ZFHX3: variants seen among roughly 807,000 people sequenced by gnomAD.
ZFHX3 encodes zinc finger homeobox protein 3.
In ZFHX3, 42 loss-of-function variants were observed where a neutral mutation model predicts 279.1. The observed-to-expected ratio is 0.15, with a 90% CI of 0.12 to 0.19. ZFHX3 has a LOEUF of 0.19. Ranked by LOEUF, ZFHX3 falls within the 10% of genes least tolerant of loss-of-function variation. ZFHX3 has a pLI of 1.00. For synonymous variants in ZFHX3, 2,293 were observed against 1,957.8 expected (o/e 1.17, Z -4.52); for missense variants, 4,981 against 4,754.0 (o/e 1.05, Z -1.40).
chr16:73,874,705 C>T (rs540659019), intron 1 of ZFHX3, among the ~76,000 whole-genome samples: 9 of 152,138 alleles, frequency 5.9e-5, no homozygotes, highest in African/African-American at 1.7e-4. Flanking sequence ...ACACCACCCA[C>T]GTTTAAAAAA....
At chr16:73,804,948 AAGGGAGGGAGAGAGGG>A (rs2142330197) in intron 1 of ZFHX3, among the ~76,000 whole-genome samples, 1 of 114,800 alleles carries the variant, frequency 8.7e-6, no homozygotes, top group Non-Finnish European at 1.8e-5. Flanking sequence ...GAGGGAGAGG[AAGGGAGGGAGAGAGGG>A]AGGGAGGGAG....
At chr16:73,249,151 C>T (rs952355238) in intron 5 of ZFHX3, among the ~76,000 whole-genome samples, 1 of 152,152 alleles carries the variant, frequency 6.6e-6, no homozygotes, top group Non-Finnish European at 1.5e-5. Context: ...GACACATTTT[C>T]AGTGGATGTA....
At chr16:73,442,030 C>T (rs1462892856) in intron 3 of ZFHX3, among the ~76,000 whole-genome samples, 2 of 152,140 alleles carry the variant, frequency 1.3e-5, no homozygotes, top group East Asian at 3.9e-4. Context: ...CTCTCCCCTT[C>T]TCCAGAGAGA....
intron 2 of ZFHX3, among the ~76,000 whole-genome samples, chr16:72,952,430 C>T (rs972263190): frequency 6.6e-6 from 1 of 152,166 alleles, no homozygotes; most frequent in Admixed American, 6.5e-5. Context: ...AATCACCTTC[C>T]CTTTATCACT....
At chr16:72,934,421 C>G (rs1272639695) in intron 3 of ZFHX3, among the ~76,000 whole-genome samples, 4 of 152,108 alleles carry the variant, frequency 2.6e-5, no homozygotes, top group Non-Finnish European at 4.4e-5. Flanking sequence ...AGGCGAGACT[C>G]TCTCAAAAAA....
chr16:73,122,822 G>C (rs1966515829), intron 7 of ZFHX3, among the ~76,000 whole-genome samples: 3 of 152,124 alleles, frequency 2.0e-5, no homozygotes, highest in Admixed American at 1.3e-4. Flanking sequence ...CTGCTGCCAA[G>C]CAAACAGTGG....
At chr16:73,024,517 A>G (rs537187856) in intron 1 of ZFHX3, among the ~76,000 whole-genome samples, 73 of 152,290 alleles carry the variant, frequency 4.8e-4, no homozygotes, top group Non-Finnish European at 9.7e-4. Context: ...GCTGCAAATA[A>G]GCCCACGTGA....
chr16:73,477,669 C>T (rs2018787908), intron 2 of ZFHX3, among the ~76,000 whole-genome samples: 1 of 152,168 alleles, frequency 6.6e-6, no homozygotes, highest in African/African-American at 2.4e-5. Context: ...CACTGGTAGC[C>T]GGTAGGGCAG....
At chr16:73,619,575 G>A (rs1000892999) in intron 2 of ZFHX3, among the ~76,000 whole-genome samples, 1 of 151,684 alleles carries the variant, frequency 6.6e-6, no homozygotes, top group Admixed American at 6.6e-5. Flanking sequence ...AACTCAGAGA[G>A]TCAATGTTCT....
chr16:73,524,774 C>T (rs756342131), intron 2 of ZFHX3, among the ~76,000 whole-genome samples: 3 of 152,216 alleles, frequency 2.0e-5, no homozygotes, highest in South Asian at 2.1e-4. Flanking sequence ...AGCTGGTATT[C>T]TGCTCTTCTG....
At chr16:72,865,961 C>A (rs1303949192) in intron 4 of ZFHX3, among the ~76,000 whole-genome samples, 1 of 152,096 alleles carries the variant, frequency 6.6e-6, no homozygotes, top group Non-Finnish European at 1.5e-5. Flanking sequence ...GAAAGGGAGA[C>A]CCGGGGCTTC....
chr16:73,771,867 C>T (rs1486778042), intron 1 of ZFHX3, among the ~76,000 whole-genome samples: 1 of 151,906 alleles, frequency 6.6e-6, no homozygotes, highest in African/African-American at 2.4e-5. Context: ...CCTTTTCTCT[C>T]ATTGATATGG....
intron 2 of ZFHX3, among the ~76,000 whole-genome samples, chr16:73,483,136 C>T (rs982707695): frequency 6.6e-6 from 1 of 152,106 alleles, no homozygotes; most frequent in African/African-American, 2.4e-5. Context: ...AGCTTAGGGT[C>T]TGGGGGCTGG....
At chr16:73,096,106 C>G (rs1034892628) in intron 7 of ZFHX3, among the ~76,000 whole-genome samples, 26 of 152,184 alleles carry the variant, frequency 1.7e-4, no homozygotes, top group African/African-American at 6.3e-4. Flanking sequence ...AGCCCTCCTC[C>G]CAGCACCTGG....
chr16:73,451,034 G>A (rs1437409143), intron 3 of ZFHX3, among the ~76,000 whole-genome samples: 2 of 152,102 alleles, frequency 1.3e-5, no homozygotes, highest in Admixed American at 6.5e-5. Flanking sequence ...ACACTGGTAG[G>A]CAAACAGTAC....
intron 3 of ZFHX3, among the ~76,000 whole-genome samples, chr16:73,379,965 G>A (rs889108084): frequency 6.6e-6 from 1 of 152,182 alleles, no homozygotes; most frequent in Non-Finnish European, 1.5e-5. Flanking sequence ...TGAAACTCCT[G>A]GAGGAACTCT....
intron 2 of ZFHX3, among the ~76,000 whole-genome samples, chr16:73,661,763 T>C (rs888390245): frequency 6.6e-6 from 1 of 150,512 alleles, no homozygotes; most frequent in African/African-American, 2.4e-5. Context: ...GAGGTATTAG[T>C]AATGGTTTCA....
intron 1 of ZFHX3, among the ~76,000 whole-genome samples, chr16:73,054,903 T>C (rs539601356): frequency 2.0e-4 from 30 of 152,196 alleles, no homozygotes; most frequent in Non-Finnish European, 3.5e-4. Context: ...TCTCTCTCTC[T>C]AAGATAAAGG....
intron 4 of ZFHX3, among the ~76,000 whole-genome samples, chr16:73,306,342 CAG>C (rs969141445): frequency 1.6e-4 from 24 of 152,306 alleles, no homozygotes; most frequent in African/African-American, 5.5e-4. Context: ...TGTTTTGAGA[CAG>C]AGTCTTGCTG....
Sources: gnomAD v4.1 joint callset for allele counts (sites outside exome capture counted in the v4.1 genomes callset) on GRCh38, gnomAD v4.1.1 for gene constraint, MANE v1.5 for transcripts, NCBI Gene and HGNC (gene_info 2026-07-23, HGNC 2026-07-21) for gene names.